Variants in KIAA1328 observed in about 807,000 individuals in gnomAD.
The protein encoded by KIAA1328 is protein hinderin.
In KIAA1328, 52 loss-of-function variants were observed where a neutral mutation model predicts 68.1. That is an observed-to-expected ratio of 0.76 (90% CI 0.61 to 0.96). The LOEUF is 0.96. Ranked by LOEUF, KIAA1328 falls within the 40% of genes least tolerant of loss-of-function variation. The pLI is 0.00. For synonymous variants in KIAA1328, 232 were observed against 239.4 expected, an observed-to-expected ratio of 0.97 and a Z score of 0.28; for missense variants, 641 against 677.6, an observed-to-expected ratio of 0.95 and a Z score of 0.60.
chr18:36,905,008 A>G (rs1427636381), intron 5 of KIAA1328, among the ~76,000 whole-genome samples: 2 of 151,708 alleles, frequency 1.3e-5, no homozygotes, highest in African/African-American at 2.4e-5. Flanking sequence ...TCATTGTGCT[A>G]TTATCAAGAT....
intron 4 of KIAA1328, among the ~76,000 whole-genome samples, chr18:36,849,724 T>A (rs1600977953): frequency 6.6e-6 from 1 of 152,230 alleles, no homozygotes; most frequent in East Asian, 1.9e-4. Flanking sequence ...ATTTTGTACA[T>A]ACCCAGGAGC....
At chr18:37,010,020 A>G (rs959625702) in intron 6 of KIAA1328, among the ~76,000 whole-genome samples, 5 of 152,194 alleles carry the variant, frequency 3.3e-5, no homozygotes, top group African/African-American at 1.2e-4. Context: ...CACTAAGGAA[A>G]AGCTTACCAT....
At chr18:36,846,386 A>G (rs1324120840) in intron 4 of KIAA1328, among the ~76,000 whole-genome samples, 1 of 151,436 alleles carries the variant, frequency 6.6e-6, no homozygotes, top group Non-Finnish European at 1.5e-5. Context: ...AGAATAGTCT[A>G]TATTATTTTC....
In KIAA1328 at chr18:37,066,909, C is replaced by G; in HGVS notation, c.596C>G (p.Thr199Ser). ...TTCTAGGTATCCAGTAGAAAAAGCA[C>G]TCTCCAGTGTTCATCTGTGGAACTG... ...QEQQVSSRKS[T>S]LQCSSVELDG... The change falls in exon 7 of 10, where the codon ACT (threonine) becomes AGT (serine). Residue 199 changes from threonine (T) to serine (S), a missense_variant. By Grantham distance (58) the Thr-to-Ser change is moderately conservative. Transcript: ENST00000280020. The G allele has an allele frequency of 6.3e-7, 1 of 1,593,798 alleles. No individual in the cohort carries two copies. Among genetic ancestry groups the G allele is most frequent in the Non-Finnish European group, 8.5e-7 (1 of 1,169,892 alleles).
chr18:36,984,630 G>T (rs1222948099), intron 6 of KIAA1328, among the ~76,000 whole-genome samples: 1 of 152,116 alleles, frequency 6.6e-6, no homozygotes, highest in African/African-American at 2.4e-5. Context: ...AAGACTGAGA[G>T]TGGTGGCTCA....
At position 36,835,229 on chromosome 18, in the gene KIAA1328, C is replaced by T. The variant is rs1270619888; in HGVS notation, c.95-5C>T. On this transcript the variant is annotated splice_polypyrimidine_tract_variant and splice_region_variant and intron_variant, in intron 2 of 9. Coordinates refer to ENST00000280020, the MANE Select transcript of KIAA1328 (RefSeq NM_020776.3). Reference sequence around the variant, plus strand: ...TTTGAAATCTTGTTTAATGGAAATCCTTAGGAATTTCTGCTGAAGGAAATG... The same window carrying T: ...TTTGAAATCTTGTTTAATGGAAATCTTTAGGAATTTCTGCTGAAGGAAATG... The T allele has an allele frequency of 6.2e-7, 1 of 1,608,364 alleles. No homozygotes were observed. The highest frequency in any genetic ancestry group is 8.5e-7 in the Non-Finnish European group (1 of 1,177,622).
intron 6 of KIAA1328, among the ~76,000 whole-genome samples, chr18:37,030,253 G>A (rs1408164069): frequency 1.2e-4 from 18 of 151,448 alleles, no homozygotes; most frequent in Admixed American, 9.2e-4. Flanking sequence ...TTGCTAGGAC[G>A]AGAATTTAGA....
At chr18:36,938,078 C>T (rs1467282892) in intron 5 of KIAA1328, among the ~76,000 whole-genome samples, 1 of 152,128 alleles carries the variant, frequency 6.6e-6, no homozygotes, top group Non-Finnish European at 1.5e-5. Context: ...GCAGGTGTCT[C>T]TTCAGCACAC....
intron 5 of KIAA1328, among the ~76,000 whole-genome samples, chr18:36,891,989 A>G (rs1216594170): frequency 6.6e-6 from 1 of 152,220 alleles, no homozygotes; most frequent in Admixed American, 6.5e-5. Flanking sequence ...GAAAATTCAC[A>G]AGATTTTTAT....
At chr18:37,004,869 G>T (rs565662579) in intron 6 of KIAA1328, among the ~76,000 whole-genome samples, 44 of 152,224 alleles carry the variant, frequency 2.9e-4, no homozygotes, top group African/African-American at 1.0e-3. Flanking sequence ...ATCAGTCAAT[G>T]AGTGGATAAA....
At chr18:36,977,651 G>T (rs2151354311) in intron 6 of KIAA1328, among the ~76,000 whole-genome samples, 1 of 152,058 alleles carries the variant, frequency 6.6e-6, no homozygotes, top group East Asian at 1.9e-4. Context: ...TTAAAACAAG[G>T]GACCACATTA....
rs548689508 is a variant in KIAA1328, at chr18:37,144,878, A to G, written c.1233-15322A>G. On this transcript the variant is annotated intron_variant, in intron 7 of 9. Coordinates refer to ENST00000280020, the MANE Select transcript of KIAA1328 (RefSeq NM_020776.3). ...ATTTTAATATGTTATATTTTTTATCATTCCTTAAAAAATATTTACTAACTT... is the reference window on the plus strand; with the variant it reads ...ATTTTAATATGTTATATTTTTTATCGTTCCTTAAAAAATATTTACTAACTT... 3.9e-5 allele frequency among the ~76,000 whole-genome samples: 6 copies of G among 152,200 alleles called. No homozygotes were observed. The South Asian group carries it at 1.2e-3, about 32-fold the overall frequency.
intron 6 of KIAA1328, among the ~76,000 whole-genome samples, chr18:37,006,387 G>T (rs957525721): frequency 6.6e-6 from 1 of 151,964 alleles, no homozygotes; most frequent in Non-Finnish European, 1.5e-5. Context: ...TAGCTAAGTA[G>T]TATCAGCTTT....
In KIAA1328 at chr18:37,198,989, C is replaced by T. The variant is rs574016940; in HGVS notation, c.1524-23028C>T. Among the ~76,000 whole-genome samples the T allele has an allele frequency of 4.6e-5, 7 of 152,304 alleles. No individual in the cohort carries two copies. The East Asian group carries it at 1.3e-3, about 29-fold the overall frequency. The stretch of plus-strand genomic sequence containing the variant: ...TTTTCATTTTATCTGCACTAACTTA[C>T]ACAACTATAATTCACAGAAAAGAAA... On this transcript the variant is annotated intron_variant, in intron 9 of 9. Transcript: ENST00000280020.
chr18:36,892,028 C>T (rs113442781), intron 5 of KIAA1328, among the ~76,000 whole-genome samples: 35 of 152,264 alleles, frequency 2.3e-4, no homozygotes, highest in African/African-American at 8.4e-4. Context: ...TCATTCGTTG[C>T]AAATAACAGT....
chr18:36,995,079 T>C (rs573011103), intron 6 of KIAA1328, among the ~76,000 whole-genome samples: 1 of 152,190 alleles, frequency 6.6e-6, no homozygotes, highest in Admixed American at 6.5e-5. Context: ...CTACATTAGG[T>C]ATTTTTTCCT....
downstream of KIAA1328, among the ~76,000 whole-genome samples, chr18:37,225,740 G>A (rs2060631904): frequency 6.6e-6 from 1 of 152,198 alleles, no homozygotes; most frequent in African/African-American, 2.4e-5. Flanking sequence ...GAGGGCTTCA[G>A]TGTCTAAAGT....
rs552505982 is a variant in KIAA1328, at chr18:37,143,971, A to G, written c.1233-16229A>G. Among the ~76,000 whole-genome samples the G allele has an allele frequency of 1.1e-4, 16 of 152,242 alleles. No homozygotes were observed. In the South Asian group the frequency reaches 1.2e-3, roughly 12 times the overall value. Reference sequence around the variant, plus strand: ...GTTGCAAAGTATTTCCTCCTCTTCTATATACTGAAAGTTTATGTAGGATTG... The same window carrying G: ...GTTGCAAAGTATTTCCTCCTCTTCTGTATACTGAAAGTTTATGTAGGATTG... On this transcript the variant is annotated intron_variant, in intron 7 of 9. Coordinates refer to ENST00000280020, the MANE Select transcript of KIAA1328 (RefSeq NM_020776.3).
chr18:37,050,328 C>T (rs1267030684), intron 6 of KIAA1328, among the ~76,000 whole-genome samples: 1 of 152,088 alleles, frequency 6.6e-6, no homozygotes, highest in African/African-American at 2.4e-5. Flanking sequence ...GCTTTATTCT[C>T]CTTTATGTTT....
Sources: gnomAD v4.1 joint callset for allele counts (sites outside exome capture counted in the v4.1 genomes callset) on GRCh38, gnomAD v4.1.1 for gene constraint, MANE v1.5 for transcripts, NCBI Gene and HGNC (gene_info 2026-07-23, HGNC 2026-07-21) for gene names.